RAB1A: variants seen among roughly 807,000 people sequenced by gnomAD.
The protein encoded by RAB1A is RAB1A, member RAS oncogene family, also known as ras-related protein Rab-1A.
In RAB1A, 2 loss-of-function variants were observed where a neutral mutation model predicts 26.0. That is an observed-to-expected ratio of 0.08 (90% CI 0.03 to 0.24). The LOEUF is 0.24. Among genes scored for constraint, RAB1A ranks in the 10% least tolerant of loss-of-function variants. RAB1A has a pLI of 1.00. For missense variants in RAB1A, 100 were observed against 247.0 expected (o/e 0.40, Z 3.99); for synonymous variants, 84 against 84.9 (o/e 0.99, Z 0.06).
At chr2:65,099,400 T>C (rs1022735026) in intron 2 of RAB1A, among the ~76,000 whole-genome samples, 4 of 152,212 alleles carry the variant, frequency 2.6e-5, no homozygotes, top group African/African-American at 4.8e-5. Flanking sequence ...TGAAAAGATA[T>C]ATGAATGAAC....
At chr2:65,120,711 G>A (rs150146058) in intron 1 of RAB1A, among the ~76,000 whole-genome samples, 5 of 152,016 alleles carry the variant, frequency 3.3e-5, no homozygotes, top group African/African-American at 1.2e-4. Flanking sequence ...CAAATGTAAC[G>A]TGAGTATGGC....
chr2:65,093,606 G>C (rs1399151032), intron 3 of RAB1A, among the ~76,000 whole-genome samples: 1 of 151,154 alleles, frequency 6.6e-6, no homozygotes, highest in South Asian at 2.1e-4. Flanking sequence ...AGGATTAAAA[G>C]TAAAATCTTG....
intron 3 of RAB1A, 51 bp downstream of exon 3, chr2:65,097,920 T>C (rs1669329251): frequency 1.8e-6 from 2 of 1,089,730 alleles, no homozygotes; most frequent in African/African-American, 3.2e-5. Context: ...AACAATACAT[T>C]ACAAATTTAC....
At chr2:65,100,888 G>GT (rs1328899160) in intron 2 of RAB1A, among the ~76,000 whole-genome samples, 4 of 152,018 alleles carry the variant, frequency 2.6e-5, no homozygotes, top group Non-Finnish European at 4.4e-5. Context: ...GCTCACGCCT[G>GT]TAATCCCAGC....
At chr2:65,101,531 C>G (rs978779057) in intron 2 of RAB1A, among the ~76,000 whole-genome samples, 3 of 151,920 alleles carry the variant, frequency 2.0e-5, no homozygotes, top group Non-Finnish European at 4.4e-5. Flanking sequence ...AATGGACATC[C>G]CAGAGAGGGT....
intron 1 of RAB1A, among the ~76,000 whole-genome samples, chr2:65,120,026 T>C (rs1669922138): frequency 6.6e-6 from 1 of 151,918 alleles, no homozygotes; most frequent in Admixed American, 6.6e-5. Flanking sequence ...AATCTACACA[T>C]AAAGCACTAC....
At chr2:65,112,540 C>T (rs1669723064) in intron 1 of RAB1A, among the ~76,000 whole-genome samples, 1 of 152,162 alleles carries the variant, frequency 6.6e-6, no homozygotes, top group Admixed American at 6.5e-5. Flanking sequence ...AATAAAGCTG[C>T]TTTTGAGGTA....
chr2:65,109,353 T>G (rs960846570), intron 1 of RAB1A, among the ~76,000 whole-genome samples: 1 of 152,152 alleles, frequency 6.6e-6, no homozygotes, highest in African/African-American at 2.4e-5. Context: ...GTTTTTATCC[T>G]ACAATAATAT....
At chr2:65,114,415 G>C (rs1235155558) in intron 1 of RAB1A, among the ~76,000 whole-genome samples, 3 of 152,010 alleles carry the variant, frequency 2.0e-5, no homozygotes, top group Non-Finnish European at 4.4e-5. Flanking sequence ...CTTAGAAAAG[G>C]CCTATTTATA....
At chr2:65,121,032 G>A (rs1400530871) in intron 1 of RAB1A, among the ~76,000 whole-genome samples, 3 of 151,948 alleles carry the variant, frequency 2.0e-5, no homozygotes, top group Non-Finnish European at 4.4e-5. Context: ...CAGGCAGGAG[G>A]ATCACTTGAG....
intron 1 of RAB1A, among the ~76,000 whole-genome samples, chr2:65,122,751 T>TG (rs1394355027): frequency 6.6e-6 from 1 of 151,882 alleles, no homozygotes; most frequent in Non-Finnish European, 1.5e-5. Flanking sequence ...CAGAGGCAGG[T>TG]GGATCACAAG....
At chr2:65,120,480 A>C (rs1201742708) in intron 1 of RAB1A, among the ~76,000 whole-genome samples, 3 of 147,194 alleles carry the variant, frequency 2.0e-5, no homozygotes, top group East Asian at 2.0e-4. Flanking sequence ...AAAAAAAAAA[A>C]CTCAAATGAG....
intron 1 of RAB1A, chr2:65,105,007 A>T (rs1669520763): frequency 3.0e-6 from 2 of 677,662 alleles, no homozygotes; most frequent in South Asian, 3.0e-5. Context: ...TTATGTAAAA[A>T]GTAGGCAATG....
intron 3 of RAB1A, among the ~76,000 whole-genome samples, chr2:65,097,658 A>G (rs910512910): frequency 2.0e-5 from 3 of 152,334 alleles, no homozygotes; most frequent in Non-Finnish European, 4.4e-5. Flanking sequence ...AAAATGGTCT[A>G]TAACATTTGC....
At chr2:65,108,577 C>T (rs1269045283) in intron 1 of RAB1A, among the ~76,000 whole-genome samples, 1 of 151,506 alleles carries the variant, frequency 6.6e-6, no homozygotes, top group African/African-American at 2.4e-5. Flanking sequence ...GAGGCCGAAG[C>T]AGGTGGATCA....
chr2:65,101,667 A>T (rs1442624469), intron 2 of RAB1A, among the ~76,000 whole-genome samples: 1 of 150,420 alleles, frequency 6.6e-6, no homozygotes, highest in East Asian at 1.9e-4. Flanking sequence ...CCTAAGTTTA[A>T]CTTAAAGGCC....
At chr2:65,107,791 G>C (rs1669595857) in intron 1 of RAB1A, among the ~76,000 whole-genome samples, 1 of 152,126 alleles carries the variant, frequency 6.6e-6, no homozygotes, top group South Asian at 2.1e-4. Flanking sequence ...CTCAGATGTT[G>C]CCTGAAGTAT....
chr2:65,108,239 G>A (rs57359368), intron 1 of RAB1A, among the ~76,000 whole-genome samples: 7,016 of 150,620 alleles, frequency 0.047, 165 homozygotes, highest in Middle Eastern at 0.075. Context: ...GCAGGCGCCT[G>A]TAATCCCAGC....
chr2:65,099,297 T>G (rs549094686), intron 2 of RAB1A, among the ~76,000 whole-genome samples: 1 of 152,384 alleles, frequency 6.6e-6, no homozygotes, highest in East Asian at 1.9e-4. Context: ...CCTGTCAATT[T>G]TTTAACCTAA....
Sources: gnomAD v4.1 joint callset for allele counts (sites outside exome capture counted in the v4.1 genomes callset) on GRCh38, gnomAD v4.1.1 for gene constraint, MANE v1.5 for transcripts, NCBI Gene and HGNC (gene_info 2026-07-23, HGNC 2026-07-21) for gene names.